The following CHEK2 variants were observed in gnomAD, a reference collection of about 807,000 sequenced individuals.
The protein encoded by CHEK2 is serine/threonine-protein kinase Chk2.
Under a neutral mutation model 69.1 loss-of-function variants are expected in CHEK2, and 71 were observed. The ratio of observed to expected loss-of-function variants is 1.03; its 90% CI spans 0.85 to 1.25. The LOEUF is 1.25. Among genes scored for constraint, CHEK2 ranks in the 50% most tolerant of loss-of-function variants. The pLI is 0.00. For missense variants in CHEK2, 664 were observed against 649.6 expected, an observed-to-expected ratio of 1.02 and a Z score of -0.24; for synonymous variants, 189 against 226.9, an observed-to-expected ratio of 0.83 and a Z score of 1.50.
chr22:28,695,882 C>A lies in CHEK2; in HGVS notation c.1096-9G>T, dbSNP rs752775778. The A allele has an allele frequency of 6.2e-7, 1 of 1,605,494 alleles. No individual in the cohort carries two copies. Among genetic ancestry groups the A allele is most frequent in the South Asian group, 1.1e-5 (1 of 90,894 alleles). On this transcript the variant is annotated splice_polypyrimidine_tract_variant and intron_variant, in intron 10 of 14. Coordinates refer to ENST00000404276, the MANE Select transcript of CHEK2 (RefSeq NM_007194.4). The stretch of plus-strand genomic sequence containing the variant: ...TGCCCAAAATCAGTAATCTAAAATT[C>A]AGTACAAAAGGGAATAATGTTGAAC...
chr22:28,732,611 A>T (rs545736171), intron 2 of CHEK2, among the ~76,000 whole-genome samples: 2 of 152,160 alleles, frequency 1.3e-5, no homozygotes, highest in South Asian at 4.1e-4. Context: ...TTAAAGTTGT[A>T]TATGTGGAAT....
intron 5 of CHEK2, among the ~76,000 whole-genome samples, chr22:28,713,209 C>T (rs17880677): frequency 0.025 from 3,764 of 152,262 alleles, 158 homozygotes; most frequent in African/African-American, 0.084. Flanking sequence ...ATCTATTCAC[C>T]TTCCGACGGA....
At chr22:28,700,650 C>T (rs1469453993) in intron 8 of CHEK2, among the ~76,000 whole-genome samples, 1 of 152,138 alleles carries the variant, frequency 6.6e-6, no homozygotes, top group Non-Finnish European at 1.5e-5. Context: ...TTTGGGAAAG[C>T]TATTTAACCT....
At chr22:28,738,572 G>A (rs1012934704) in intron 1 of CHEK2, among the ~76,000 whole-genome samples, 1 of 152,116 alleles carries the variant, frequency 6.6e-6, no homozygotes, top group African/African-American at 2.4e-5. Context: ...TGCTATCTGG[G>A]AGCTATTGCT....
chr22:28,731,207 T>TAAAC (rs201904190), intron 2 of CHEK2, among the ~76,000 whole-genome samples: 5 of 148,970 alleles, frequency 3.4e-5, no homozygotes, highest in East Asian at 2.0e-4. Context: ...TGTCTCAAAA[T>TAAAC]AAACAAACAA....
Position 28,724,511 on chromosome 22 carries a change from A to T in CHEK2, c.592+466T>A, listed in dbSNP as rs2053917025. On this transcript the variant is annotated intron_variant, in intron 4 of 14. Transcript: ENST00000404276. Reference sequence around the variant, plus strand: ...AAATCTGTCTGGATGGAACTTTTTCATAATTTTACAATGCAACTAGGACGG... The same window carrying T: ...AAATCTGTCTGGATGGAACTTTTTCTTAATTTTACAATGCAACTAGGACGG... 5 of 232,410 alleles carry T rather than the reference A, an allele frequency of 2.2e-5. No homozygotes were observed. In the South Asian group the frequency reaches 2.6e-4, roughly 12 times the overall value. 14.4% of individuals were successfully genotyped at this position (232,410 alleles called of 1,614,324 possible). A position where few individuals can be genotyped will look rare whatever the true frequency, so the allele number is the denominator to read the frequency against.
chr22:28,725,366 T>A lies in CHEK2; in HGVS notation c.321A>T (p.Glu107Asp). The change falls in exon 3 of 15, where the codon GAA (glutamate) becomes GAT (aspartate). Residue 107 changes from glutamate to aspartate, a missense_variant and splice_region_variant. Coordinates refer to ENST00000404276, the MANE Select transcript of CHEK2 (RefSeq NM_007194.4). ...CAAACCAGTAGTTGTCATTCACACA[T>A]TCTGTAATATAAAAGCATGCATCAG... ...WALQDGFANL[E>D]CVNDNYWFGR... 6.2e-7 allele frequency: 1 copy of A among 1,614,098 alleles called. No individual in the cohort carries two copies. The highest frequency in any genetic ancestry group is 8.5e-7 in the Non-Finnish European group (1 of 1,180,014).
intron 5 of CHEK2, 143 bp downstream of exon 5, chr22:28,719,251 AT>A: frequency 2.0e-6 from 1 of 489,890 alleles, no homozygotes; most frequent in East Asian, 3.4e-5. Flanking sequence ...ACACACAAAA[AT>A]AAAAATAAAA....
At chr22:28,739,257 CAG>C (rs746697084) in intron 1 of CHEK2, among the ~76,000 whole-genome samples, 35 of 152,152 alleles carry the variant, frequency 2.3e-4, no homozygotes, top group Middle Eastern at 3.4e-3. Flanking sequence ...GGCTAGGTGA[CAG>C]AGTGAGATTC....
At chr22:28,699,777 T>C (rs772722262) in intron 9 of CHEK2, 61 bp downstream of exon 9, 231 of 1,136,534 alleles carry the variant, frequency 2.0e-4, no homozygotes, top group Non-Finnish European at 3.0e-4. Context: ...TTCTGCCTAA[T>C]TCAGGGAGTA....
intron 1 of CHEK2, among the ~76,000 whole-genome samples, chr22:28,741,539 C>T (rs1374923123): frequency 6.6e-6 from 1 of 151,914 alleles, no homozygotes; most frequent in African/African-American, 2.4e-5. Context: ...AAGAATACAA[C>T]GCTGTTCTTC....
At chr22:28,699,748 T>C in intron 9 of CHEK2, 90 bp downstream of exon 9, 1 of 928,272 alleles carries the variant, frequency 1.1e-6, no homozygotes, top group Non-Finnish European at 1.8e-6. Context: ...TTCTGAGTTT[T>C]AATCCACGGT....
chr22:28,689,129 G>A lies in CHEK2; in HGVS notation c.1542+6C>T, dbSNP rs1414780425. The A allele has an allele frequency of 4.4e-6, 7 of 1,583,102 alleles. No individual in the cohort carries two copies. The highest frequency in any genetic ancestry group is 5.1e-6 in the Non-Finnish European group (6 of 1,167,946). On this transcript the variant is annotated splice_donor_region_variant and intron_variant, in intron 14 of 14. Coordinates refer to ENST00000404276, the MANE Select transcript of CHEK2 (RefSeq NM_007194.4). ...TACATTTAGTGATCATCAGGAATAC[G>A]AATACCTGGGCTAGAACCTGGGGTA...
intron 13 of CHEK2, among the ~76,000 whole-genome samples, chr22:28,690,173 T>C (rs2145757511): frequency 6.6e-6 from 1 of 152,286 alleles, no homozygotes; most frequent in African/African-American, 2.4e-5. Flanking sequence ...CCTCCACCAT[T>C]TGGCAATTTG....
At position 28,741,757 on chromosome 22, in the gene CHEK2, C is replaced by A; in HGVS notation, c.-7+12G>T. ...CACCAAACACCCAACAGAAGTTCCC[C>A]ATATGACTCACCGCGTGAGCCCACC... is the stretch of plus-strand genomic sequence containing the variant. On this transcript the variant is annotated intron_variant, in intron 1 of 14. Transcript: ENST00000404276. 2.4e-6 allele frequency: 1 copy of A among 413,558 alleles called. No homozygotes were observed. The highest frequency in any genetic ancestry group is 4.5e-6 in the Non-Finnish European group (1 of 223,084). The allele number at this position is 413,558 out of a possible 1,614,324, so 25.6% of individuals were successfully genotyped here. A position where few individuals can be genotyped will look rare whatever the true frequency, so the allele number is the denominator to read the frequency against.
intron 13 of CHEK2, among the ~76,000 whole-genome samples, chr22:28,692,090 T>G (rs1184227287): frequency 1.3e-5 from 2 of 152,186 alleles, no homozygotes; most frequent in East Asian, 3.9e-4. Context: ...CCTTGGTTGT[T>G]AATAAGTTTT....
Position 28,698,228 on chromosome 22 carries a change from T to TAAAAAAAAAAAAA in CHEK2, c.1009-1254_1009-1242dup, listed in dbSNP as rs398040472. Reference sequence around the variant, plus strand: ...CAACATGGTGAAACCCTATCTTTACTAAAAAAAAAAAAAAAAAAATTAGCT... The same window carrying TAAAAAAAAAAAAA: ...CAACATGGTGAAACCCTATCTTTACTAAAAAAAAAAAAAAAAAAAAAAAAAAAAAAAATTAGCT... On this transcript the variant is annotated intron_variant, in intron 9 of 14. Transcript: ENST00000404276. Among the ~76,000 whole-genome samples the TAAAAAAAAAAAAA allele has an allele frequency of 3.2e-3, 258 of 81,844 alleles. 14 individuals carry two copies. Among genetic ancestry groups the TAAAAAAAAAAAAA allele is most frequent in the African/African-American group, 5.3e-3 (138 of 26,166 alleles). The allele number at this position is 81,844 out of a possible 152,430, so 53.7% of individuals were successfully genotyped here.
chr22:28,728,138 A>C (rs2054073750), intron 2 of CHEK2: 1 of 152,230 alleles, frequency 6.6e-6, no homozygotes, highest in South Asian at 2.1e-4. Flanking sequence ...AAGAAAAAGA[A>C]AATTAACAAA....
intron 4 of CHEK2, among the ~76,000 whole-genome samples, chr22:28,722,001 G>A (rs1445761497): frequency 6.6e-6 from 1 of 152,044 alleles, no homozygotes; most frequent in Non-Finnish European, 1.5e-5. Flanking sequence ...AAAGTGCTGA[G>A]ATTACAGGCA....
Sources: allele counts gnomAD v4.1 joint callset (sites outside exome capture counted in the v4.1 genomes callset), GRCh38; gene constraint gnomAD v4.1.1; transcripts MANE v1.5; gene names NCBI Gene and HGNC (gene_info 2026-07-23, HGNC 2026-07-21).